ENOX1: variants seen among roughly 807,000 people sequenced by gnomAD.
ENOX1 encodes the protein candidate growth-related and time keeping constitutive hydroquinone (NADH) oxidase.
In ENOX1, 42 loss-of-function variants were observed where a neutral mutation model predicts 82.5. The observed-to-expected ratio is 0.51, with a 90% confidence interval of 0.40 to 0.66. The LOEUF (loss-of-function observed/expected upper bound fraction) is 0.66, where lower values mean the gene tolerates loss of function less well. Among genes scored for constraint, ENOX1 ranks in the 30% least tolerant of loss-of-function variants. The probability of loss-of-function intolerance (pLI) is 0.00; values close to 1 mark genes in which losing one functional copy is unlikely to be tolerated. For missense variants in ENOX1, 608 were observed against 811.6 expected, an observed-to-expected ratio of 0.75 and a Z score of 3.05; for synonymous variants, 271 against 282.2, an observed-to-expected ratio of 0.96 and a Z score of 0.40.
intron 9 of ENOX1, among the ~76,000 whole-genome samples, chr13:43,327,267 A>T (rs1487199011): frequency 6.6e-6 from 1 of 152,128 alleles, no homozygotes; most frequent in Non-Finnish European, 1.5e-5. Flanking sequence ...TCATGATCAC[A>T]TTCCATTATC....
intron 1 of ENOX1, among the ~76,000 whole-genome samples, chr13:43,785,991 C>T (rs888837092): frequency 2.0e-5 from 3 of 152,036 alleles, no homozygotes; most frequent in African/African-American, 7.2e-5. Flanking sequence ...AGTCCGGCTG[C>T]CCCAGTGCCT....
intron 1 of ENOX1, among the ~76,000 whole-genome samples, chr13:43,691,824 C>A (rs2086382327): frequency 6.6e-6 from 1 of 151,988 alleles, no homozygotes. Flanking sequence ...CCACAGCCTC[C>A]TAACTAGCTG....
At chr13:43,250,988 A>T (rs1566338782) in intron 14 of ENOX1, among the ~76,000 whole-genome samples, 1 of 152,208 alleles carries the variant, frequency 6.6e-6, no homozygotes, top group East Asian at 1.9e-4. Context: ...GGAGCTTACT[A>T]GAAATGCAAA....
At position 43,613,225 on chromosome 13, in the gene ENOX1, C is replaced by G. The variant is rs1033161088; in HGVS notation, c.-219+54254G>C. Among the ~76,000 whole-genome samples, 79 of 152,198 alleles carry G rather than the reference C, an allele frequency of 5.2e-4. 1 individual carries two copies. The highest frequency in any genetic ancestry group is 1.8e-3 in the African/African-American group (75 of 41,550). On this transcript the variant is annotated intron_variant, in intron 2 of 16. Coordinates refer to ENST00000690772, the MANE Select transcript of ENOX1 (RefSeq NM_001347969.2). ...AAAAGTTCATCATATTAACTACAGT[C>G]AGAAATTGGTTCCCAAAGTTCATTA...
intron 3 of ENOX1, among the ~76,000 whole-genome samples, chr13:43,431,748 T>A (rs571072643): frequency 6.6e-6 from 1 of 152,156 alleles, no homozygotes; most frequent in Non-Finnish European, 1.5e-5. Flanking sequence ...ACTGTTTGAT[T>A]TTCTATATTC....
At chr13:43,705,912 T>C (rs1461933323) in intron 1 of ENOX1, among the ~76,000 whole-genome samples, 2 of 152,062 alleles carry the variant, frequency 1.3e-5, no homozygotes, top group African/African-American at 4.8e-5. Flanking sequence ...AGACAGACTA[T>C]ATATTGGAAT....
intron 2 of ENOX1, among the ~76,000 whole-genome samples, chr13:43,485,022 C>T (rs2076365654): frequency 6.6e-6 from 1 of 152,176 alleles, no homozygotes; most frequent in African/African-American, 2.4e-5. Flanking sequence ...CCTCCACTGT[C>T]CTGATGAATG....
chr13:43,605,723 A>G (rs1163594145), intron 2 of ENOX1, among the ~76,000 whole-genome samples: 1 of 152,190 alleles, frequency 6.6e-6, no homozygotes, highest in Non-Finnish European at 1.5e-5. Flanking sequence ...ACACTGGGGA[A>G]ATTCTTCAGG....
intron 3 of ENOX1, among the ~76,000 whole-genome samples, chr13:43,436,411 T>C (rs2056031311): frequency 6.6e-6 from 1 of 152,196 alleles, no homozygotes; most frequent in South Asian, 2.1e-4. Flanking sequence ...GCACATTTTT[T>C]ACAACATAGA....
chr13:43,394,059 A>C (rs1168508908), intron 5 of ENOX1, among the ~76,000 whole-genome samples: 1 of 152,202 alleles, frequency 6.6e-6, no homozygotes, highest in African/African-American at 2.4e-5. Flanking sequence ...ACCTCATCAC[A>C]AGCCTAGAAG....
intron 2 of ENOX1, among the ~76,000 whole-genome samples, chr13:43,616,730 TTC>T (rs992706761): frequency 3.3e-5 from 5 of 152,304 alleles, no homozygotes; most frequent in African/African-American, 1.2e-4. Context: ...TTGTTGACAT[TTC>T]TCTCTCTTCC....
intron 14 of ENOX1, among the ~76,000 whole-genome samples, chr13:43,245,819 T>C (rs568921323): frequency 2.6e-5 from 4 of 152,316 alleles, no homozygotes; most frequent in South Asian, 2.1e-4. Flanking sequence ...GATGTGACCA[T>C]ATTTTACATT....
At chr13:43,449,700 A>T (rs2056855580) in intron 3 of ENOX1, among the ~76,000 whole-genome samples, 1 of 152,008 alleles carries the variant, frequency 6.6e-6, no homozygotes, top group Non-Finnish European at 1.5e-5. Context: ...TTTGAGTCAC[A>T]GGGAGAAAAG....
chr13:43,590,733 AC>A (rs2081208654), intron 2 of ENOX1, among the ~76,000 whole-genome samples: 1 of 148,720 alleles, frequency 6.7e-6, no homozygotes, highest in Non-Finnish European at 1.5e-5. Flanking sequence ...CCGGGATCAC[AC>A]CACTGTGCTC....
chr13:43,591,592 C>T (rs1162996822), intron 2 of ENOX1, among the ~76,000 whole-genome samples: 1 of 152,200 alleles, frequency 6.6e-6, no homozygotes, highest in African/African-American at 2.4e-5. Flanking sequence ...AGTGCACACA[C>T]AGGTGTTTTG....
At chr13:43,499,128 A>G (rs2076891617) in intron 2 of ENOX1, among the ~76,000 whole-genome samples, 1 of 152,140 alleles carries the variant, frequency 6.6e-6, no homozygotes, top group South Asian at 2.1e-4. Flanking sequence ...ATTCTATGAA[A>G]TATCAGACCT....
intron 5 of ENOX1, among the ~76,000 whole-genome samples, chr13:43,367,419 A>G (rs750586072): frequency 2.6e-4 from 39 of 152,340 alleles, no homozygotes; most frequent in Non-Finnish European, 5.1e-4. Context: ...TAGGGTAGGC[A>G]TGATCTAATA....
At chr13:43,470,375 TACA>T (rs1566308113) in intron 3 of ENOX1, among the ~76,000 whole-genome samples, 1,057 of 85,596 alleles carry the variant, frequency 0.012, 291 homozygotes, top group Non-Finnish European at 0.018. Flanking sequence ...CGTATATATA[TACA>T]TATATATACG....
chr13:43,734,135 T>G (rs1420829741), intron 1 of ENOX1, among the ~76,000 whole-genome samples: 1 of 152,164 alleles, frequency 6.6e-6, no homozygotes, highest in Non-Finnish European at 1.5e-5. Flanking sequence ...CAAAGGAGCA[T>G]GGCCCTCTCA....
Sources: gnomAD v4.1 joint callset for allele counts (sites outside exome capture counted in the v4.1 genomes callset) on GRCh38, gnomAD v4.1.1 for gene constraint, MANE v1.5 for transcripts, NCBI Gene and HGNC (gene_info 2026-07-23, HGNC 2026-07-21) for gene names.